Variants in ZMYM4 observed in about 807,000 individuals in gnomAD.
ZMYM4 encodes the protein zinc finger MYM-type protein 4.
Under a neutral mutation model 183.2 loss-of-function variants are expected in ZMYM4, and 31 were observed. The ratio of observed to expected loss-of-function variants is 0.17; its 90% CI spans 0.13 to 0.23. The LOEUF is 0.23. ZMYM4 is among the 10% of genes least tolerant of loss of function. The probability of loss-of-function intolerance (pLI) is 1.00; values close to 1 mark genes in which losing one functional copy is unlikely to be tolerated. For synonymous variants in ZMYM4, 592 were observed against 631.2 expected, an observed-to-expected ratio of 0.94 and a Z score of 0.93; for missense variants, 1,273 against 1,840.3, an observed-to-expected ratio of 0.69 and a Z score of 5.64.
intron 1 of ZMYM4, among the ~76,000 whole-genome samples, chr1:35,282,578 C>T (rs1263538529): frequency 6.6e-6 from 1 of 152,048 alleles, no homozygotes; most frequent in African/African-American, 2.4e-5. Flanking sequence ...TTTTTTGAGA[C>T]AGGGTCTCAC....
intron 9 of ZMYM4, among the ~76,000 whole-genome samples, chr1:35,384,723 T>C (rs918411053): frequency 5.9e-5 from 9 of 152,170 alleles, no homozygotes; most frequent in East Asian, 1.9e-4. Flanking sequence ...TAGGATGATA[T>C]AGTATAAAAG....
intron 2 of ZMYM4, among the ~76,000 whole-genome samples, chr1:35,350,166 T>G (rs1643548187): frequency 6.7e-6 from 1 of 149,066 alleles, no homozygotes; most frequent in Non-Finnish European, 1.5e-5. Context: ...GGTCTTGCTG[T>G]GTTGCCCAAG....
At chr1:35,355,476 G>A (rs1224135411) in intron 2 of ZMYM4, among the ~76,000 whole-genome samples, 1 of 151,872 alleles carries the variant, frequency 6.6e-6, no homozygotes, top group African/African-American at 2.4e-5. Context: ...ATTTGTTTGA[G>A]CCCTTTGCTT....
intron 1 of ZMYM4, among the ~76,000 whole-genome samples, chr1:35,284,014 G>A (rs1175393137): frequency 6.6e-6 from 1 of 151,236 alleles, no homozygotes; most frequent in Non-Finnish European, 1.5e-5. Flanking sequence ...CTGTCGCCCA[G>A]GCTGGACTGC....
chr1:35,292,751 C>T (rs1570271640), intron 1 of ZMYM4, among the ~76,000 whole-genome samples: 2 of 152,222 alleles, frequency 1.3e-5, no homozygotes, highest in Non-Finnish European at 2.9e-5. Context: ...CCACTCGCCT[C>T]GGCCTCCCAA....
rs1570192738 is a variant in ZMYM4 at position 35,268,908 on chromosome 1, A to T, written c.-139A>T. ...GGCGCGCGGCATCCGCCCCCTCCCC[A>T]CTCTCGGCGCAAGGCCCGGCCGGGT... On this transcript the variant is annotated 5_prime_UTR_variant, in exon 1 of 30. Transcript: ENST00000314607. 2 of 975,618 alleles carry T rather than the reference A, an allele frequency of 2.0e-6. No individual in the cohort carries two copies. The highest frequency in any genetic ancestry group is 1.3e-6 in the Non-Finnish European group (1 of 745,594). 60.4% of individuals were successfully genotyped at this position (975,618 alleles called of 1,614,324 possible). A position where few individuals can be genotyped will look rare whatever the true frequency, so the allele number is the denominator to read the frequency against.
rs139686038 is a variant in ZMYM4, at chr1:35,318,711, G to A, written c.40-6649G>A. Among the ~76,000 whole-genome samples the A allele has an allele frequency of 2.8e-3, 431 of 152,268 alleles. 1 individual carries two copies. Among genetic ancestry groups the A allele is most frequent in the African/African-American group, 9.9e-3 (411 of 41,564 alleles). ...GACCTCAAGTCATCCGCCTGCCTTGGCATACCAAAGTGCTGGGATTACAGG... is the reference window on the plus strand; with the variant it reads ...GACCTCAAGTCATCCGCCTGCCTTGACATACCAAAGTGCTGGGATTACAGG... On this transcript the variant is annotated intron_variant, in intron 1 of 29. Transcript: ENST00000314607.
chr1:35,274,044 TAAAA>T (rs951315627), intron 1 of ZMYM4, among the ~76,000 whole-genome samples: 10 of 152,344 alleles, frequency 6.6e-5, no homozygotes, highest in African/African-American at 2.4e-4. Flanking sequence ...TATTTTATAA[TAAAA>T]TAATTGCAAA....
chr1:35,404,859 A>C, intron 23 of ZMYM4, 164 bp from the exon 24 acceptor site: 1 of 606,820 alleles, frequency 1.6e-6, no homozygotes, highest in Non-Finnish European at 2.6e-6. Flanking sequence ...GATTGGATTA[A>C]ATAATCTCTA....
At chr1:35,404,032 C>T (rs1644959583) in intron 23 of ZMYM4, among the ~76,000 whole-genome samples, 1 of 152,178 alleles carries the variant, frequency 6.6e-6, no homozygotes, top group African/African-American at 2.4e-5. Context: ...CTGCACCCAG[C>T]CTGGGTTTTA....
At chr1:35,372,955 C>G (rs978093948) in intron 7 of ZMYM4, among the ~76,000 whole-genome samples, 1 of 152,090 alleles carries the variant, frequency 6.6e-6, no homozygotes, top group Non-Finnish European at 1.5e-5. Context: ...GCCAGGAGTT[C>G]AAGACCAGCC....
intron 1 of ZMYM4, among the ~76,000 whole-genome samples, chr1:35,273,286 T>TAC (rs952484271): frequency 6.6e-4 from 101 of 151,994 alleles, no homozygotes; most frequent in African/African-American, 1.6e-3. Flanking sequence ...CACAAATACA[T>TAC]ACACACACAC....
chr1:35,416,552 T>C (rs969405227), intron 28 of ZMYM4, among the ~76,000 whole-genome samples: 2 of 152,088 alleles, frequency 1.3e-5, no homozygotes, highest in African/African-American at 4.8e-5. Context: ...GTGCTCTCAA[T>C]TGATTTTTAT....
Position 35,361,240 on chromosome 1 carries a change from A to C in ZMYM4, c.654A>C (p.Pro218=). ...ETLHTHLPQT[P]ETNFRDSSYP... ...TACATACCCATTTACCACAAACCCC[A>C]GAAACAAACTTTAGGGTAAGTTTTC... The change falls in exon 4 of 30, where the codon CCA becomes CCC. Residue 218 remains proline, a synonymous_variant. Transcript: ENST00000314607. 1 of 1,605,492 alleles carries C rather than the reference A, an allele frequency of 6.2e-7. No homozygotes were observed. The highest frequency in any genetic ancestry group is 8.5e-7 in the Non-Finnish European group (1 of 1,176,848).
chr1:35,340,051 A>C (rs1643138972), intron 2 of ZMYM4, among the ~76,000 whole-genome samples: 4 of 152,192 alleles, frequency 2.6e-5, no homozygotes, highest in Admixed American at 2.6e-4. Context: ...TTTCTTCAGG[A>C]ATGTTTTGCC....
rs540174201 is a variant in ZMYM4, at chr1:35,281,303, C to A, written c.39+12218C>A. 3.3e-5 allele frequency among the ~76,000 whole-genome samples: 5 copies of A among 151,684 alleles called. No individual in the cohort carries two copies. In the East Asian group the frequency reaches 7.8e-4, roughly 24 times the overall value. Reference sequence around the variant, plus strand: ...CATCTCAAAAAAAAAAAAAAATTACCTTAAGTTTAAAAAAATGTGTTAAAA... The same window carrying A: ...CATCTCAAAAAAAAAAAAAAATTACATTAAGTTTAAAAAAATGTGTTAAAA... On this transcript the variant is annotated intron_variant, in intron 1 of 29. Coordinates refer to ENST00000314607, the MANE Select transcript of ZMYM4 (RefSeq NM_005095.3).
intron 9 of ZMYM4, among the ~76,000 whole-genome samples, chr1:35,383,342 G>T (rs990770722): frequency 1.3e-5 from 2 of 151,864 alleles, no homozygotes; most frequent in African/African-American, 2.4e-5. Context: ...AAGTGCATTT[G>T]CTAATCATTC....
intron 1 of ZMYM4, among the ~76,000 whole-genome samples, chr1:35,299,815 G>C (rs1370401305): frequency 6.6e-6 from 1 of 150,384 alleles, no homozygotes; most frequent in Admixed American, 6.6e-5. Flanking sequence ...TTTTTTATGA[G>C]ACAGAGTCTT....
chr1:35,332,524 G>A (rs1642798938), intron 2 of ZMYM4, among the ~76,000 whole-genome samples: 1 of 151,496 alleles, frequency 6.6e-6, no homozygotes, highest in Admixed American at 6.6e-5. Flanking sequence ...CTCATGTTTG[G>A]TGCCTTGCCT....
Sources: gnomAD v4.1 joint callset for allele counts (sites outside exome capture counted in the v4.1 genomes callset) on GRCh38, gnomAD v4.1.1 for gene constraint, MANE v1.5 for transcripts, NCBI Gene and HGNC (gene_info 2026-07-23, HGNC 2026-07-21) for gene names.